Variants in HNRNPUL1 observed in about 807,000 individuals in gnomAD.
HNRNPUL1 encodes heterogeneous nuclear ribonucleoprotein U like 1.
HNRNPUL1 carries 14 observed loss-of-function variants against 108.5 expected under a neutral mutation model. The ratio of observed to expected loss-of-function variants is 0.13; its 90% CI spans 0.09 to 0.20. The LOEUF is 0.20. Ranked by LOEUF, HNRNPUL1 falls within the 10% of genes least tolerant of loss-of-function variation. HNRNPUL1 has a pLI of 1.00. For missense variants in HNRNPUL1, 804 were observed against 1,168.3 expected (o/e 0.69, Z 4.55); for synonymous variants, 422 against 445.2 (o/e 0.95, Z 0.66).
In HNRNPUL1 at chr19:41,306,565, G is replaced by A. The variant is rs752558817; in HGVS notation, c.2571G>A (p.Ter857=). Residue 857 remains the stop codon, a stop_retained_variant, in exon 15 of 15, where the codon TAG becomes TAA. Transcript: ENST00000392006. ...CACAGGGTGGCACAAGTACACAGTAGCCAGTGTGACCCAGAGGCTCCCGGA... is the reference window on the plus strand; with the variant it reads ...CACAGGGTGGCACAAGTACACAGTAACCAGTGTGACCCAGAGGCTCCCGGA... ...GNTQGGTSTQ[*] 2.6e-6 allele frequency: 4 copies of A among 1,542,606 alleles called. No homozygotes were observed. The highest frequency in any genetic ancestry group is 2.8e-5 in the African/African-American group (2 of 71,556).
rs1203425028 is a variant in HNRNPUL1, at chr19:41,264,578, C to T, written c.75C>T (p.Leu25=). 6.4e-7 allele frequency: 1 copy of T among 1,567,330 alleles called. No individual in the cohort carries two copies. The highest frequency in any genetic ancestry group is 8.6e-7 in the Non-Finnish European group (1 of 1,164,400). ...LQRRGLDTRG[L]KAELAERLQA... ...GCCGCGGCCTGGACACTCGAGGCCT[C>T]AAGGCCGAGCTTGCTGAGCGGCTGC... The change falls in exon 1 of 15, where the codon CTC becomes CTT. Residue 25 remains leucine (L), a synonymous_variant. Coordinates refer to ENST00000392006, the MANE Select transcript of HNRNPUL1 (RefSeq NM_007040.6).
Position 41,276,256 on chromosome 19 carries a change from C to T in HNRNPUL1, c.744C>T (p.Ala248=). 2 of 1,613,338 alleles carry T rather than the reference C, an allele frequency of 1.2e-6. No homozygotes were observed. The highest frequency in any genetic ancestry group is 2.2e-5 in the South Asian group (2 of 91,010). ...GFAYLWSGAR[A]SYGVRRGRVC... is the part of the protein sequence containing the mutation. ...CATACCTGTGGTCAGGAGCCCGTGC[C>T]AGCTATGGGGTCAGAAGGGGCCGTG... Residue 248 remains alanine (A), a synonymous_variant, in exon 5 of 15, where the codon GCC becomes GCT. Transcript: ENST00000392006.
intron 7 of HNRNPUL1, among the ~76,000 whole-genome samples, chr19:41,284,561 G>A (rs1235862335): frequency 6.6e-6 from 1 of 151,720 alleles, no homozygotes; most frequent in Non-Finnish European, 1.5e-5. Flanking sequence ...TCCCAGATAG[G>A]AGGCTGAGGA....
intron 4 of HNRNPUL1, among the ~76,000 whole-genome samples, chr19:41,275,825 G>C (rs1479719609): frequency 2.0e-5 from 3 of 152,196 alleles, no homozygotes; most frequent in Non-Finnish European, 4.4e-5. Context: ...CAGCCAGGCC[G>C]GGCGTGGTGG....
rs572118769 is a variant in HNRNPUL1 at position 41,289,432 on chromosome 19, G to C, written c.1000-2813G>C. Among the ~76,000 whole-genome samples, 4 of 152,302 alleles carry C rather than the reference G, an allele frequency of 2.6e-5. No individual in the cohort carries two copies. In the South Asian group the frequency reaches 8.3e-4, roughly 32 times the overall value. ...AAGAGTATGATACTTAGAGCCTAGG[G>C]ACAACAGAAAGAGGTGTGAGACACC... On this transcript the variant is annotated intron_variant, in intron 7 of 14. Coordinates refer to ENST00000392006, the MANE Select transcript of HNRNPUL1 (RefSeq NM_007040.6).
At chr19:41,277,351 T>C (rs1185008896) in intron 5 of HNRNPUL1, among the ~76,000 whole-genome samples, 2 of 152,206 alleles carry the variant, frequency 1.3e-5, no homozygotes, top group Non-Finnish European at 2.9e-5. Context: ...AAACAGGTAC[T>C]GTTAGCCCCA....
At chr19:41,268,453 TG>T in intron 2 of HNRNPUL1, 108 bp downstream of exon 2, 1 of 1,207,294 alleles carries the variant, frequency 8.3e-7, no homozygotes. Flanking sequence ...TCTTTTTTCT[TG>T]GGCAGTTCAT....
chr19:41,293,151 TAAAAC>T (rs1379899006), intron 8 of HNRNPUL1, among the ~76,000 whole-genome samples: 3 of 152,244 alleles, frequency 2.0e-5, no homozygotes, highest in African/African-American at 7.2e-5. Context: ...TCTTTTTTCT[TAAAAC>T]AATATTTTTC....
Position 41,268,271 on chromosome 19 carries a change from T to G in HNRNPUL1, c.344T>G (p.Val115Gly). Residue 115 changes from valine to glycine, a missense_variant, in exon 2 of 15, where the codon GTC (valine) becomes GGC (glycine). Transcript: ENST00000392006. ...TRQNQFYDTQVIKQENESGYE... is the reference protein window; with the variant it reads ...TRQNQFYDTQGIKQENESGYE... ...CAGAACCAATTCTACGATACCCAAG[T>G]CATCAAACAAGAAAACGAGTCAGGC... 6.2e-7 allele frequency: 1 copy of G among 1,613,980 alleles called. No homozygotes were observed. Among genetic ancestry groups the G allele is most frequent in the Non-Finnish European group, 8.5e-7 (1 of 1,179,948 alleles).
At chr19:41,296,452 C>A (rs2036901271) in intron 10 of HNRNPUL1, among the ~76,000 whole-genome samples, 1 of 152,196 alleles carries the variant, frequency 6.6e-6, no homozygotes, top group African/African-American at 2.4e-5. Flanking sequence ...AGACAGAGAA[C>A]CTAAACTCTG....
Position 41,292,104 on chromosome 19 carries a change from C to T in HNRNPUL1, c.1000-141C>T. 1 of 862,528 alleles carries T rather than the reference C, an allele frequency of 1.2e-6. No individual in the cohort carries two copies. The highest frequency in any genetic ancestry group is 1.6e-5 in the South Asian group (1 of 63,582). The allele number at this position is 862,528 out of a possible 1,614,324, so 53.4% of individuals were successfully genotyped here. On this transcript the variant is annotated intron_variant, in intron 7 of 14. Coordinates refer to ENST00000392006, the MANE Select transcript of HNRNPUL1 (RefSeq NM_007040.6). This position sits in a 1 kb window ranked among gnomAD's most constrained non-coding sequence, Gnocchi z 4.1. ...TGAGATGTTCACTGATGCTGCCCAG[C>T]TTACCTGTATGTTGGGGAAGGATGC...
chr19:41,274,097 G>T (rs2035405604), intron 4 of HNRNPUL1, 42 bp downstream of exon 4: 1 of 1,531,062 alleles, frequency 6.5e-7, no homozygotes, highest in African/African-American at 1.4e-5. Flanking sequence ...CTTACAGTCA[G>T]TATGGGGAAA....
At position 41,302,817 on chromosome 19, in the gene HNRNPUL1, G is replaced by T. The variant is rs752141109; in HGVS notation, c.1840G>T (p.Gly614Cys). Residue 614 changes from glycine (G) to cysteine (C), a missense_variant, in exon 12 of 15, where the codon GGT (glycine) becomes TGT (cysteine). By Grantham distance (159) the Gly-to-Cys change is radical (BLOSUM62 -3). Coordinates refer to ENST00000392006, the MANE Select transcript of HNRNPUL1 (RefSeq NM_007040.6). ...TGAAAAGCGCTTTGACAACCGAGGT[G>T]GTGGTGGCTTCCGGGGCCGCGGGGG... ...PPEKRFDNRGGGGFRGRGGGG... is the reference protein window; with the variant it reads ...PPEKRFDNRGCGGFRGRGGGG... 1 of 1,604,808 alleles carries T rather than the reference G, an allele frequency of 6.2e-7. No individual in the cohort carries two copies. The highest frequency in any genetic ancestry group is 1.3e-5 in the African/African-American group (1 of 74,648).
In HNRNPUL1 at chr19:41,279,062, G is replaced by T. The variant is rs1223625094; in HGVS notation, c.787-15G>T. 6.2e-7 allele frequency: 1 copy of T among 1,604,146 alleles called. No homozygotes were observed. The highest frequency in any genetic ancestry group is 1.3e-5 in the African/African-American group (1 of 74,608). The stretch of plus-strand genomic sequence containing the variant: ...CAGAGAAGCAACCCTGAGCCCTTTT[G>T]TCCTCTTTCCTCAGATCAATGAGGA... On this transcript the variant is annotated splice_polypyrimidine_tract_variant and intron_variant, in intron 5 of 14. Transcript: ENST00000392006.
intron 4 of HNRNPUL1, among the ~76,000 whole-genome samples, chr19:41,274,576 G>A (rs971265953): frequency 5.3e-5 from 8 of 152,160 alleles, no homozygotes; most frequent in Admixed American, 1.3e-4. Context: ...CACTGGATAA[G>A]TGGCTTTCAC....
chr19:41,276,379 C>T, intron 5 of HNRNPUL1, 81 bp downstream of exon 5: 1 of 1,453,312 alleles, frequency 6.9e-7, no homozygotes, highest in South Asian at 1.4e-5. Context: ...TTGGTCAGAG[C>T]TGCAACTGCA....
chr19:41,272,257 C>T, intron 3 of HNRNPUL1, 22 bp downstream of exon 3: 3 of 1,608,530 alleles, frequency 1.9e-6, no homozygotes, highest in East Asian at 4.5e-5. Context: ...AGGCAGCAGT[C>T]ACCCTTGCTC....
At chr19:41,270,014 C>T (rs1390547031) in intron 2 of HNRNPUL1, among the ~76,000 whole-genome samples, 1 of 151,692 alleles carries the variant, frequency 6.6e-6, no homozygotes, top group Admixed American at 6.6e-5. Context: ...CGAAGTCTCG[C>T]TCTTGTTCCC....
intron 7 of HNRNPUL1, among the ~76,000 whole-genome samples, chr19:41,289,375 G>A (rs1017353342): frequency 6.6e-6 from 1 of 152,150 alleles, no homozygotes; most frequent in East Asian, 1.9e-4. Flanking sequence ...CTTCCAAGTG[G>A]AGAACAGAAT....
Sources: allele counts gnomAD v4.1 joint callset (sites outside exome capture counted in the v4.1 genomes callset), GRCh38; gene constraint gnomAD v4.1.1; non-coding constraint Gnocchi (gnomAD v3.1); transcripts MANE v1.5; gene names NCBI Gene and HGNC (gene_info 2026-07-23, HGNC 2026-07-21).